WFDC8: variants seen among roughly 807,000 people sequenced by gnomAD.
WFDC8 encodes the protein WAP four-disulfide core domain protein 8.
Under a neutral mutation model 27.0 loss-of-function variants are expected in WFDC8, and 24 were observed. The observed-to-expected ratio is 0.89, with a 90% CI of 0.64 to 1.25. The LOEUF (loss-of-function observed/expected upper bound fraction) is 1.25. WFDC8 is among the 50% of genes most tolerant of loss of function. WFDC8 has a pLI of 0.00. For synonymous variants in WFDC8, 106 were observed against 99.7 expected (o/e 1.06, Z -0.38); for missense variants, 287 against 295.9 (o/e 0.97, Z 0.22).
intron 1 of WFDC8, among the ~76,000 whole-genome samples, chr20:45,563,000 T>A (rs1013277817): frequency 6.6e-6 from 1 of 152,208 alleles, no homozygotes; most frequent in Non-Finnish European, 1.5e-5. Flanking sequence ...AATATACATC[T>A]GTATTGGTGG....
At chr20:45,566,612 A>G (rs4812918) in intron 1 of WFDC8, among the ~76,000 whole-genome samples, 58,249 of 152,034 alleles carry the variant, frequency 0.38, 11,633 homozygotes, top group Non-Finnish European at 0.43. Context: ...GCAGTGAGCC[A>G]GGATTGCACC....
At chr20:45,561,752 G>A (rs80294182) in intron 2 of WFDC8, among the ~76,000 whole-genome samples, 4 of 151,048 alleles carry the variant, frequency 2.6e-5, no homozygotes, top group Non-Finnish European at 4.4e-5. Flanking sequence ...GTGTGTGTGT[G>A]TGTGTGTGTG....
Position 45,553,191 on chromosome 20 carries a change from C to T in WFDC8, c.531G>A (p.Gln177=). 1 of 1,613,832 alleles carries T rather than the reference C, an allele frequency of 6.2e-7. No homozygotes were observed. The highest frequency in any genetic ancestry group is 8.5e-7 in the Non-Finnish European group (1 of 1,179,782). Residue 177 remains glutamine (Q), a synonymous_variant, in exon 5 of 6, where the codon CAG becomes CAA. Coordinates refer to ENST00000289953, the MANE Select transcript of WFDC8 (RefSeq NM_130896.3). ...ACCTGGATTCACAACATTTGTCTGT[C>T]TGGGGACAATCGATGTCACTGTGAC... is the stretch of plus-strand genomic sequence containing the variant. ...PSCHSDIDCP[Q]TDKCCESRCG... is the part of the protein sequence containing the mutation.
chr20:45,557,012 T>A (rs1980283466), intron 3 of WFDC8, among the ~76,000 whole-genome samples: 1 of 152,196 alleles, frequency 6.6e-6, no homozygotes, highest in Admixed American at 6.5e-5. Context: ...AGAAGTATGC[T>A]TAGCAAATCG....
intron 4 of WFDC8, among the ~76,000 whole-genome samples, chr20:45,555,208 C>T (rs1980194594): frequency 6.6e-6 from 1 of 152,118 alleles, no homozygotes; most frequent in Non-Finnish European, 1.5e-5. Flanking sequence ...ACACTGTTTC[C>T]CAACATTGCT....
intron 1 of WFDC8, among the ~76,000 whole-genome samples, chr20:45,577,363 T>G (rs1274902682): frequency 1.3e-5 from 2 of 151,206 alleles, no homozygotes; most frequent in African/African-American, 4.8e-5. Flanking sequence ...TCAGCCACAA[T>G]TCAATGTTAA....
chr20:45,557,064 G>A (rs766228088), intron 3 of WFDC8, among the ~76,000 whole-genome samples: 18 of 152,270 alleles, frequency 1.2e-4, no homozygotes, highest in Non-Finnish European at 1.3e-4. Flanking sequence ...GCCAGCATTC[G>A]TCAACAGAAA....
chr20:45,575,712 G>A (rs73908149), intron 1 of WFDC8, among the ~76,000 whole-genome samples: 1,767 of 151,338 alleles, frequency 0.012, 46 homozygotes, highest in African/African-American at 0.04. Context: ...GGGGAGCAGT[G>A]TGAATTCCCA....
At chr20:45,561,625 C>T (rs1980470554) in intron 2 of WFDC8, among the ~76,000 whole-genome samples, 2 of 152,268 alleles carry the variant, frequency 1.3e-5, no homozygotes, top group East Asian at 1.9e-4. Context: ...TCCCTCAGAT[C>T]AGCACCTGAT....
At chr20:45,567,817 A>C (rs539013661) in intron 1 of WFDC8, among the ~76,000 whole-genome samples, 25 of 152,332 alleles carry the variant, frequency 1.6e-4, no homozygotes, top group African/African-American at 5.5e-4. Context: ...AAAGTTAGCT[A>C]AATCATTTTT....
In WFDC8 at chr20:45,561,739, C is replaced by CGTGTGTGTGT. The variant is rs10534885; in HGVS notation, c.136+361_136+370dup. Among the ~76,000 whole-genome samples, 10 of 147,850 alleles carry CGTGTGTGTGT rather than the reference C, an allele frequency of 6.8e-5. No homozygotes were observed. The South Asian group carries it at 1.1e-3, about 16-fold the overall frequency. On this transcript the variant is annotated intron_variant, in intron 2 of 5. Coordinates refer to ENST00000289953, the MANE Select transcript of WFDC8 (RefSeq NM_130896.3). ...ATTAATTAAAAAACAATTAAACTTG[C>CGTGTGTGTGT]GTGTGTGTGTGTGTGTGTGTGTGTG... is the stretch of plus-strand genomic sequence containing the variant.
At position 45,555,706 on chromosome 20, in the gene WFDC8, A is replaced by C. The variant is rs752738662; in HGVS notation, c.440T>G (p.Leu147Ter). ...TTCCAGGATAGAGGTCTCACCAATT[A>C]ACATGCAGGCCGTTCTGCAGGCATC... ...NEDACRTACM[L>*]IVKDGQCPLF... The change falls in exon 4 of 6, where the codon TTA becomes TGA. Residue 147 changes from leucine (L) to a stop codon, truncating the protein, a stop_gained. Coordinates refer to ENST00000289953, the MANE Select transcript of WFDC8 (RefSeq NM_130896.3). LOFTEE classifies it high-confidence loss of function. 1 of 1,612,324 alleles carries C rather than the reference A, an allele frequency of 6.2e-7. No individual in the cohort carries two copies.
chr20:45,563,877 C>T (rs1245563428), intron 1 of WFDC8, among the ~76,000 whole-genome samples: 2 of 152,148 alleles, frequency 1.3e-5, no homozygotes, highest in Non-Finnish European at 2.9e-5. Flanking sequence ...AAGCAGATCT[C>T]GTGGGATGGA....
At chr20:45,556,864 T>C (rs1471160737) in intron 3 of WFDC8, among the ~76,000 whole-genome samples, 1 of 152,198 alleles carries the variant, frequency 6.6e-6, no homozygotes, top group Non-Finnish European at 1.5e-5. Context: ...ACCAGCTTAG[T>C]GGCTGGACCA....
intron 1 of WFDC8, among the ~76,000 whole-genome samples, chr20:45,576,448 G>A (rs1489417353): frequency 1.3e-5 from 2 of 150,978 alleles, no homozygotes; most frequent in Admixed American, 6.6e-5. Flanking sequence ...CTCCCAGGGC[G>A]GAGCGCAGTG....
At position 45,551,806 on chromosome 20, in the gene WFDC8, CACAAT is replaced by C; in HGVS notation, c.*215_*219del. 2.0e-6 allele frequency: 1 copy of C among 494,418 alleles called. No homozygotes were observed. Among genetic ancestry groups the C allele is most frequent in the Non-Finnish European group, 3.5e-6 (1 of 283,636 alleles). The allele number at this position is 494,418 out of a possible 1,614,324, so 30.6% of individuals were successfully genotyped here. A position where few individuals can be genotyped will look rare whatever the true frequency, so the allele number is the denominator to read the frequency against. Reference sequence around the variant, plus strand: ...TTTCATTATTATTTTGGAGGTTCTACACAATACAAGAAGACAAGAAAATAAAGTCA... The same window carrying C: ...TTTCATTATTATTTTGGAGGTTCTACACAAGAAGACAAGAAAATAAAGTCA... On this transcript the variant is annotated 3_prime_UTR_variant, in exon 6 of 6. Coordinates refer to ENST00000289953, the MANE Select transcript of WFDC8 (RefSeq NM_130896.3).
Position 45,551,806 on chromosome 20 carries a change from C to T in WFDC8, c.*220G>A. 2.0e-6 allele frequency: 1 copy of T among 494,418 alleles called. No individual in the cohort carries two copies. The highest frequency in any genetic ancestry group is 3.5e-6 in the Non-Finnish European group (1 of 283,636). 30.6% of individuals were successfully genotyped at this position (494,418 alleles called of 1,614,324 possible). A position where few individuals can be genotyped will look rare whatever the true frequency, so the allele number is the denominator to read the frequency against. ...TTTCATTATTATTTTGGAGGTTCTA[C>T]ACAATACAAGAAGACAAGAAAATAA... On this transcript the variant is annotated 3_prime_UTR_variant, in exon 6 of 6. Transcript: ENST00000289953.
intron 3 of WFDC8, among the ~76,000 whole-genome samples, chr20:45,557,930 A>T (rs1178254129): frequency 6.6e-6 from 1 of 152,152 alleles, no homozygotes; most frequent in Admixed American, 6.6e-5. Flanking sequence ...TTGGACATTT[A>T]AAAAATCTCC....
chr20:45,568,207 A>T, intron 1 of WFDC8: 1 of 265,820 alleles, frequency 3.8e-6, no homozygotes, highest in Non-Finnish European at 7.7e-6. Flanking sequence ...GGGAAGCCAA[A>T]AACATCAGAG....
Sources: allele counts gnomAD v4.1 joint callset (sites outside exome capture counted in the v4.1 genomes callset), GRCh38; gene constraint gnomAD v4.1.1; transcripts MANE v1.5; gene names NCBI Gene and HGNC (gene_info 2026-07-23, HGNC 2026-07-21).